Variants in FBXO36 observed in about 807,000 individuals in gnomAD.
FBXO36 encodes the protein F-box protein 36.
FBXO36 carries 18 observed loss-of-function variants against 17.0 expected under a neutral mutation model. That is an observed-to-expected ratio of 1.06 (90% CI 0.73 to 1.57). The LOEUF (loss-of-function observed/expected upper bound fraction) is 1.57, where lower values mean the gene tolerates loss of function less well. Ranked by LOEUF, FBXO36 falls within the 40% of genes most tolerant of loss-of-function variation. The pLI is 0.00. For synonymous variants in FBXO36, 83 were observed against 85.3 expected, an observed-to-expected ratio of 0.97 and a Z score of 0.15; for missense variants, 229 against 221.9, an observed-to-expected ratio of 1.03 and a Z score of -0.20.
At chr2:229,951,524 G>A (rs981005388) in intron 1 of FBXO36, among the ~76,000 whole-genome samples, 1 of 152,204 alleles carries the variant, frequency 6.6e-6, no homozygotes, top group Non-Finnish European at 1.5e-5. Flanking sequence ...GATTACAGGC[G>A]TGAGCCGCCG....
intron 1 of FBXO36, among the ~76,000 whole-genome samples, chr2:229,947,332 C>A (rs953860703): frequency 2.6e-5 from 4 of 152,106 alleles, no homozygotes; most frequent in Admixed American, 2.6e-4. Context: ...TAATTCTAGG[C>A]AGGAGGGATT....
intron 1 of FBXO36, chr2:229,942,748 C>G (rs1294633342): frequency 1.3e-5 from 2 of 152,410 alleles, no homozygotes; most frequent in Middle Eastern, 3.4e-3. Flanking sequence ...AGGCTCAGTT[C>G]TGAGCCTCAA....
chr2:229,949,794 G>A (rs556262482), intron 1 of FBXO36, among the ~76,000 whole-genome samples: 9 of 152,090 alleles, frequency 5.9e-5, no homozygotes, highest in East Asian at 3.9e-4. Flanking sequence ...GCGTGGTGGC[G>A]GGCGCCTGTA....
Position 229,954,234 on chromosome 2 carries a change from A to ATTTTTTTTTTTTTTTTT in FBXO36, c.97-21997_97-21981dup, listed in dbSNP as rs60093081. On this transcript the variant is annotated intron_variant, in intron 1 of 3. Transcript: ENST00000283946. ...GCAACTGTCATTACAAACCCTTTGG[A>ATTTTTTTTTTTTTTTTT]TTTTTTTTTTTTTTTTTTTTTTTTT... Among the ~76,000 whole-genome samples, 87 of 71,386 alleles carry ATTTTTTTTTTTTTTTTT rather than the reference A, an allele frequency of 1.2e-3. 20 individuals carry two copies. Among genetic ancestry groups the ATTTTTTTTTTTTTTTTT allele is most frequent in the Admixed American group, 1.6e-3 (6 of 3,822 alleles). The allele number at this position is 71,386 out of a possible 152,430, so 46.8% of individuals were successfully genotyped here.
intron 1 of FBXO36, among the ~76,000 whole-genome samples, chr2:229,957,082 A>G (rs1382901284): frequency 1.3e-5 from 2 of 152,204 alleles, no homozygotes; most frequent in African/African-American, 2.4e-5. Flanking sequence ...TCAGAAAACT[A>G]TATCCAATTT....
intron 1 of FBXO36, among the ~76,000 whole-genome samples, chr2:229,964,771 G>T (rs536268773): frequency 1.1e-4 from 16 of 152,102 alleles, no homozygotes; most frequent in African/African-American, 3.1e-4. Flanking sequence ...CTTCCGCCTC[G>T]GCCTCCCAAA....
At chr2:229,959,510 C>T (rs1258458179) in intron 1 of FBXO36, among the ~76,000 whole-genome samples, 1 of 152,138 alleles carries the variant, frequency 6.6e-6, no homozygotes, top group Non-Finnish European at 1.5e-5. Context: ...CATGAATTCT[C>T]CAGTTTGCTT....
intron 1 of FBXO36, among the ~76,000 whole-genome samples, chr2:229,929,409 T>C (rs1468464950): frequency 6.7e-6 from 1 of 150,370 alleles, no homozygotes; most frequent in Admixed American, 6.6e-5. Flanking sequence ...TAAAAAAAAA[T>C]AGAAAAATTA....
intron 2 of FBXO36, among the ~76,000 whole-genome samples, chr2:229,977,925 T>C (rs187069144): frequency 1.0e-3 from 158 of 152,294 alleles, no homozygotes; most frequent in Non-Finnish European, 1.7e-3. Flanking sequence ...CAAGGGACTT[T>C]CTTCGACTAA....
intron 1 of FBXO36, among the ~76,000 whole-genome samples, chr2:229,962,331 C>CT (rs931763399): frequency 2.0e-5 from 3 of 151,328 alleles, no homozygotes; most frequent in Non-Finnish European, 2.9e-5. Flanking sequence ...ATTTCGGTAT[C>CT]TTTTTTTCTT....
At chr2:229,943,241 C>G (rs7605745) in intron 1 of FBXO36, 21,836 of 152,236 alleles carry the variant, frequency 0.14, 1,663 homozygotes, top group Admixed American at 0.2. Context: ...GCCTCCACAG[C>G]CAGCTAGGCA....
intron 1 of FBXO36, among the ~76,000 whole-genome samples, chr2:229,930,684 A>G (rs1016587681): frequency 6.6e-6 from 1 of 152,124 alleles, no homozygotes; most frequent in Non-Finnish European, 1.5e-5. Context: ...TTGGGAGGCA[A>G]CAGTTGCAGT....
At chr2:229,965,261 G>T (rs1345520721) in intron 1 of FBXO36, among the ~76,000 whole-genome samples, 1 of 150,170 alleles carries the variant, frequency 6.7e-6, no homozygotes, top group Non-Finnish European at 1.5e-5. Flanking sequence ...GTTACAGGCT[G>T]AGCCACTGCA....
intron 2 of FBXO36, among the ~76,000 whole-genome samples, chr2:229,980,598 A>C (rs972117682): frequency 6.6e-6 from 1 of 151,260 alleles, no homozygotes; most frequent in Non-Finnish European, 1.5e-5. Context: ...TGCCCTTGAT[A>C]AGAGATTGGG....
intron 1 of FBXO36, among the ~76,000 whole-genome samples, chr2:229,948,955 T>C (rs987375601): frequency 2.0e-5 from 3 of 152,186 alleles, no homozygotes; most frequent in African/African-American, 7.2e-5. Flanking sequence ...TGCCTCAGCC[T>C]CCCTAGTAGC....
chr2:229,968,595 C>G (rs1417391012), intron 1 of FBXO36, among the ~76,000 whole-genome samples: 1 of 152,094 alleles, frequency 6.6e-6, no homozygotes, highest in Admixed American at 6.6e-5. Context: ...AGCCCCACTA[C>G]AAGCTGGGAC....
At position 229,936,510 on chromosome 2, in the gene FBXO36, T is replaced by C. The variant is rs936676202; in HGVS notation, c.96+13901T>C. On this transcript the variant is annotated intron_variant, in intron 1 of 3. Transcript: ENST00000283946. ...GGCATTTTATAAAGATAGATTGTTT[T>C]ATAAGTTCAGATTAATAATATTTAC... 5.3e-5 allele frequency among the ~76,000 whole-genome samples: 8 copies of C among 152,326 alleles called. No individual in the cohort carries two copies. The South Asian group carries it at 1.2e-3, about 24-fold the overall frequency.
chr2:229,938,771 T>TTC (rs1474005027), intron 1 of FBXO36, among the ~76,000 whole-genome samples: 3 of 107,016 alleles, frequency 2.8e-5, no homozygotes, highest in Non-Finnish European at 5.9e-5. Flanking sequence ...TTTTTTTTTT[T>TTC]CCCCCGAGGC....
chr2:229,939,363 C>T, intron 1 of FBXO36: 1 of 632,728 alleles, frequency 1.6e-6, no homozygotes, highest in Non-Finnish European at 2.0e-6. Flanking sequence ...TTCCTCCTGT[C>T]TAAAACTGTA....
Sources: allele counts gnomAD v4.1 joint callset (sites outside exome capture counted in the v4.1 genomes callset), GRCh38; gene constraint gnomAD v4.1.1; transcripts MANE v1.5; gene names NCBI Gene and HGNC (gene_info 2026-07-23, HGNC 2026-07-21).